WASF3: variants seen among roughly 807,000 people sequenced by gnomAD.
The protein encoded by WASF3 is WASP family member 3, also known as actin-binding protein WASF3.
In WASF3, 11 loss-of-function variants were observed where a neutral mutation model predicts 46.6. That is an observed-to-expected ratio of 0.24 (90% CI 0.15 to 0.39). The LOEUF (loss-of-function observed/expected upper bound fraction) is 0.39, where lower values mean the gene tolerates loss of function less well. Ranked by LOEUF, WASF3 falls within the 10% of genes least tolerant of loss-of-function variation. The pLI, the probability that WASF3 is intolerant of heterozygous loss-of-function variation, is 1.00. For synonymous variants in WASF3, 242 were observed against 259.7 expected (o/e 0.93, Z 0.65); for missense variants, 576 against 669.8 (o/e 0.86, Z 1.55).
the WASF3 span, among the ~76,000 whole-genome samples, chr13:26,541,568 T>A: frequency 1.3e-5 from 2 of 152,160 alleles, no homozygotes; most frequent in African/African-American, 4.8e-5. Flanking sequence ...CAGGCCCTAG[T>A]AGAGAACACA....
At chr13:26,602,257 T>A (rs971823659) in intron 1 of WASF3, among the ~76,000 whole-genome samples, 3 of 152,232 alleles carry the variant, frequency 2.0e-5, no homozygotes, top group African/African-American at 7.2e-5. Context: ...TACAGGATTA[T>A]ATTGGATGCC....
intron 1 of WASF3, among the ~76,000 whole-genome samples, chr13:26,567,262 A>G (rs962048284): frequency 3.3e-5 from 5 of 152,218 alleles, no homozygotes; most frequent in Admixed American, 3.3e-4. Context: ...AAAGATGTAT[A>G]GAAGATAGTT....
At chr13:26,667,265 G>A (rs1036256039) in intron 4 of WASF3, among the ~76,000 whole-genome samples, 2 of 151,810 alleles carry the variant, frequency 1.3e-5, no homozygotes, top group African/African-American at 2.4e-5. Flanking sequence ...TGTTACTCTA[G>A]TATTAGGTTC....
chr13:26,542,304 A>G, the WASF3 span, among the ~76,000 whole-genome samples: 1 of 152,188 alleles, frequency 6.6e-6, no homozygotes, highest in Non-Finnish European at 1.5e-5. Flanking sequence ...GAATAAACCA[A>G]TATCTGGCCA....
At chr13:26,629,374 G>A (rs985269587) in intron 2 of WASF3, among the ~76,000 whole-genome samples, 1 of 141,274 alleles carries the variant, frequency 7.1e-6, no homozygotes, top group Admixed American at 6.9e-5. Flanking sequence ...ATACAACCAG[G>A]CTGTTGGCCA....
intron 3 of WASF3, among the ~76,000 whole-genome samples, chr13:26,644,225 C>T (rs895450039): frequency 6.6e-6 from 1 of 152,176 alleles, no homozygotes; most frequent in African/African-American, 2.4e-5. Context: ...CTGAAGTCCC[C>T]AGAAAGAACA....
At chr13:26,599,184 CTTT>C (rs57148941) in intron 1 of WASF3, among the ~76,000 whole-genome samples, 3 of 118,286 alleles carry the variant, frequency 2.5e-5, no homozygotes, top group East Asian at 2.5e-4. Context: ...CTTTTCATTT[CTTT>C]TTTTTTTTTT....
intron 3 of WASF3, among the ~76,000 whole-genome samples, chr13:26,648,608 G>C (rs1882220822): frequency 6.6e-6 from 1 of 152,192 alleles, no homozygotes; most frequent in South Asian, 2.1e-4. Flanking sequence ...GTAAATTTCT[G>C]TACAGTTTGA....
At chr13:26,556,680 T>C (rs1879104585), upstream of WASF3, among the ~76,000 whole-genome samples, 1 of 152,254 alleles carries the variant, frequency 6.6e-6, no homozygotes, top group African/African-American at 2.4e-5. Flanking sequence ...AATTATTAAC[T>C]GCTATTCATT....
chr13:26,680,657 C>T (rs531516225), intron 7 of WASF3, among the ~76,000 whole-genome samples: 1 of 152,248 alleles, frequency 6.6e-6, no homozygotes, highest in Non-Finnish European at 1.5e-5. Flanking sequence ...TTTATATTTT[C>T]TAATTATATG....
chr13:26,570,776 A>G (rs1384269780), intron 1 of WASF3, among the ~76,000 whole-genome samples: 1 of 152,166 alleles, frequency 6.6e-6, no homozygotes, highest in Non-Finnish European at 1.5e-5. Flanking sequence ...TTGTGTATGT[A>G]TTTTTATATT....
intron 3 of WASF3, among the ~76,000 whole-genome samples, chr13:26,661,622 C>T (rs911612613): frequency 2.6e-5 from 4 of 152,144 alleles, no homozygotes; most frequent in African/African-American, 7.2e-5. Flanking sequence ...CACTTCTTTA[C>T]GGGTATATAC....
chr13:26,555,560 T>A (rs515058), upstream of WASF3, among the ~76,000 whole-genome samples: 1 of 152,218 alleles, frequency 6.6e-6, no homozygotes, highest in Non-Finnish European at 1.5e-5. Flanking sequence ...CAGACCCAAC[T>A]GGGCATGCAC....
At chr13:26,594,435 G>T (rs551755742) in intron 1 of WASF3, among the ~76,000 whole-genome samples, 47 of 152,286 alleles carry the variant, frequency 3.1e-4, no homozygotes, top group Non-Finnish European at 5.4e-4. Context: ...TGGAATTGTG[G>T]GAGTGATCGT....
At chr13:26,564,911 T>TG (rs1421885403) in intron 1 of WASF3, among the ~76,000 whole-genome samples, 25 of 149,520 alleles carry the variant, frequency 1.7e-4, no homozygotes, top group Non-Finnish European at 2.8e-4. Context: ...TTTTTTTTTT[T>TG]TTTTTTTTTT....
chr13:26,576,273 A>T lies in WASF3; in HGVS notation c.-109+18454A>T, dbSNP rs1030188937. Among the ~76,000 whole-genome samples the T allele has an allele frequency of 1.5e-4, 23 of 151,780 alleles. No individual in the cohort carries two copies. In the East Asian group the frequency reaches 4.1e-3, roughly 27 times the overall value. ...ACATCTTAATTCCTTCTCTACTATG[A>T]CTTTTTCTTTCTTTTGTTTCTTTCC... On this transcript the variant is annotated intron_variant, in intron 1 of 9. Transcript: ENST00000335327.
upstream of WASF3, among the ~76,000 whole-genome samples, chr13:26,554,089 TTCC>T (rs1879037234): frequency 8.7e-5 from 10 of 114,794 alleles, no homozygotes; most frequent in East Asian, 5.0e-4. Flanking sequence ...CCTTCCTTCC[TTCC>T]TTCCTTCTTT....
At chr13:26,684,958 TGC>T (rs1389219502) in intron 9 of WASF3, among the ~76,000 whole-genome samples, 1 of 152,064 alleles carries the variant, frequency 6.6e-6, no homozygotes, top group Non-Finnish European at 1.5e-5. Context: ...CATGGTGGCG[TGC>T]GCCGGTGGTT....
chr13:26,543,161 G>T, the WASF3 span, among the ~76,000 whole-genome samples: 1 of 152,154 alleles, frequency 6.6e-6, no homozygotes, highest in Non-Finnish European at 1.5e-5. Context: ...GGACGTGGAG[G>T]TGGTGGGAAT....
Sources: gnomAD v4.1 joint callset for allele counts (sites outside exome capture counted in the v4.1 genomes callset) on GRCh38, gnomAD v4.1.1 for gene constraint, MANE v1.5 for transcripts, NCBI Gene and HGNC (gene_info 2026-07-23, HGNC 2026-07-21) for gene names.